The following ACTN1 variants were observed in gnomAD, a reference collection of about 807,000 sequenced individuals.
The protein encoded by ACTN1 is actinin alpha 1.
ACTN1 carries 30 observed loss-of-function variants against 119.6 expected under a neutral mutation model. That is an observed-to-expected ratio of 0.25 (90% CI 0.19 to 0.34). The LOEUF (loss-of-function observed/expected upper bound fraction) is 0.34, where lower values mean the gene tolerates loss of function less well. Among genes scored for constraint, ACTN1 ranks in the 10% least tolerant of loss-of-function variants. The pLI is 1.00. For synonymous variants in ACTN1, 429 were observed against 472.6 expected, an observed-to-expected ratio of 0.91 and a Z score of 1.20; for missense variants, 764 against 1,223.4, an observed-to-expected ratio of 0.62 and a Z score of 5.60.
Position 68,963,704 on chromosome 14 carries a change from T to TA in ACTN1, c.105+15247dup, listed in dbSNP as rs557882007. Among the ~76,000 whole-genome samples, 145 of 152,368 alleles carry TA rather than the reference T, an allele frequency of 9.5e-4. 2 individuals are homozygous for TA. The highest frequency in any genetic ancestry group is 3.3e-3 in the African/African-American group (139 of 41,590). Reference sequence around the variant, plus strand: ...TGGCAGCACCACAAAGATGAGTTTTTATTCATACTATGATATCATTTCTTC... The same window carrying TA: ...TGGCAGCACCACAAAGATGAGTTTTTAATTCATACTATGATATCATTTCTTC... On this transcript the variant is annotated intron_variant, in intron 1 of 21. Coordinates refer to ENST00000394419, the MANE Select transcript of ACTN1 (RefSeq NM_001130004.2).
chr14:68,973,861 G>A (rs2036975182), intron 1 of ACTN1: 1 of 152,264 alleles, frequency 6.6e-6, no homozygotes. Context: ...AGCAGGCTCA[G>A]CGGGTTTCCT....
intron 1 of ACTN1, among the ~76,000 whole-genome samples, chr14:68,926,879 G>A (rs2034953261): frequency 6.6e-6 from 1 of 152,098 alleles, no homozygotes; most frequent in Non-Finnish European, 1.5e-5. Context: ...CTTAGATTTA[G>A]GAGCAAAAGT....
chr14:68,910,085 G>A (rs376528552), intron 4 of ACTN1, 43 bp from the exon 5 acceptor site: 13 of 1,539,494 alleles, frequency 8.4e-6, no homozygotes, highest in East Asian at 4.5e-5. Context: ...GGGCTGACTC[G>A]GTGGAGGGAG....
At chr14:68,950,713 C>T (rs904547040) in intron 1 of ACTN1, among the ~76,000 whole-genome samples, 1 of 151,874 alleles carries the variant, frequency 6.6e-6, no homozygotes, top group Non-Finnish European at 1.5e-5. Context: ...AAGCACCCGC[C>T]ACCACGCCTG....
At chr14:68,952,025 A>G (rs554989489) in intron 1 of ACTN1, among the ~76,000 whole-genome samples, 32 of 152,230 alleles carry the variant, frequency 2.1e-4, no homozygotes, top group African/African-American at 7.2e-4. Flanking sequence ...GAAGAGCAAA[A>G]CAAACAGTAG....
At chr14:68,940,972 T>C (rs2035744359) in intron 1 of ACTN1, among the ~76,000 whole-genome samples, 1 of 152,172 alleles carries the variant, frequency 6.6e-6, no homozygotes, top group South Asian at 2.1e-4. Context: ...TCAAAGCACC[T>C]CCTTGGGCAT....
rs111604290 is a variant in ACTN1 at position 68,895,477 on chromosome 14, C to T, written c.763-1730G>A. Among the ~76,000 whole-genome samples the T allele has an allele frequency of 6.4e-3, 977 of 152,252 alleles. 10 individuals are homozygous for T. Among genetic ancestry groups the T allele is most frequent in the African/African-American group, 0.022 (906 of 41,544 alleles). On this transcript the variant is annotated intron_variant, in intron 8 of 21. Transcript: ENST00000394419. ...GAACCAGGCCAGCAGCCTCATGGGA[C>T]TGACTGGGGAGCAGCTTGCCGGAAG...
At chr14:68,899,667 A>G (rs958527799) in intron 8 of ACTN1, among the ~76,000 whole-genome samples, 1 of 152,016 alleles carries the variant, frequency 6.6e-6, no homozygotes, top group African/African-American at 2.4e-5. Context: ...CGCATCTCAC[A>G]TTCCCTTCCA....
At chr14:68,875,280 A>G (rs2030766689) in intron 21 of ACTN1, 3 of 852,936 alleles carry the variant, frequency 3.5e-6, no homozygotes, top group East Asian at 2.7e-5. Flanking sequence ...CCATGTGCCA[A>G]TTACACCTAT....
In ACTN1 at chr14:68,912,984, G is replaced by C. The variant is rs546346267; in HGVS notation, c.341-742C>G. Among the ~76,000 whole-genome samples the C allele has an allele frequency of 5.3e-5, 8 of 152,328 alleles. No homozygotes were observed. The South Asian group carries it at 1.7e-3, about 32-fold the overall frequency. On this transcript the variant is annotated intron_variant, in intron 3 of 21. Coordinates refer to ENST00000394419, the MANE Select transcript of ACTN1 (RefSeq NM_001130004.2). Reference sequence around the variant, plus strand: ...ATCAAGAGAAAGTCACAAACTTAAAGTTTTGTAAATTGCCATCTTGAACTA... The same window carrying C: ...ATCAAGAGAAAGTCACAAACTTAAACTTTTGTAAATTGCCATCTTGAACTA...
At chr14:68,946,547 G>A (rs563322449) in intron 1 of ACTN1, among the ~76,000 whole-genome samples, 2 of 152,318 alleles carry the variant, frequency 1.3e-5, no homozygotes, top group African/African-American at 4.8e-5. Flanking sequence ...GACTCCACCA[G>A]CAGCCCTGAG....
At chr14:68,950,404 T>A (rs1326759648) in intron 1 of ACTN1, among the ~76,000 whole-genome samples, 1 of 147,138 alleles carries the variant, frequency 6.8e-6, no homozygotes, top group African/African-American at 2.6e-5. Flanking sequence ...CACTTCAAAA[T>A]GGCTAAAATG....
Position 68,922,172 on chromosome 14 carries a change from G to A in ACTN1, c.221-1047C>T, listed in dbSNP as rs959100959. Reference sequence around the variant, plus strand: ...CCCCTTGTGCCTGCCCTGATATCCCGACCACACCCACTGTCTCCCCAGCAG... The same window carrying A: ...CCCCTTGTGCCTGCCCTGATATCCCAACCACACCCACTGTCTCCCCAGCAG... On this transcript the variant is annotated intron_variant, in intron 2 of 21. Coordinates refer to ENST00000394419, the MANE Select transcript of ACTN1 (RefSeq NM_001130004.2). 5.9e-5 allele frequency among the ~76,000 whole-genome samples: 9 copies of A among 152,200 alleles called. No individual in the cohort carries two copies. The South Asian group carries it at 6.2e-4, about 11-fold the overall frequency.
At chr14:68,881,040 T>C (rs761361278) in intron 16 of ACTN1, 51 bp from the exon 17 acceptor site, 5 of 1,588,408 alleles carry the variant, frequency 3.1e-6, no homozygotes, top group African/African-American at 2.7e-5. Context: ...TCTGCTCCCA[T>C]AGGGTGGGGA....
In ACTN1 at chr14:68,880,795, G is replaced by C. The variant is rs1355561212; in HGVS notation, c.2133+15C>G. On this transcript the variant is annotated intron_variant, in intron 17 of 21. Transcript: ENST00000394419. This position sits in a 1 kb window ranked among gnomAD's most constrained non-coding sequence, Gnocchi z 4.6. The stretch of plus-strand genomic sequence containing the variant: ...CCACGGGCTCCCGAAGAGGAACAAG[G>C]CCAGCCCCACCCACCTCCATGGTGT... 6.2e-7 allele frequency: 1 copy of C among 1,612,976 alleles called. No homozygotes were observed. The highest frequency in any genetic ancestry group is 1.1e-5 in the South Asian group (1 of 91,016).
chr14:68,901,972 G>A (rs2033370268), intron 8 of ACTN1, among the ~76,000 whole-genome samples: 1 of 152,256 alleles, frequency 6.6e-6, no homozygotes, highest in Non-Finnish European at 1.5e-5. Flanking sequence ...AGCCCAAGGG[G>A]CTGAGGACAG....
chr14:68,892,085 C>G lies in ACTN1; in HGVS notation c.1054G>C (p.Ala352Pro), dbSNP rs954983250. 1 of 1,613,618 alleles carries G rather than the reference C, an allele frequency of 6.2e-7. No homozygotes were observed. Among genetic ancestry groups the G allele is most frequent in the Non-Finnish European group, 8.5e-7 (1 of 1,179,912 alleles). The change falls in exon 10 of 22, where the codon GCC (alanine) becomes CCC (proline). Residue 352 changes from alanine (A) to proline (P), a missense_variant. By Grantham distance (27) the Ala-to-Pro change is conservative. Coordinates refer to ENST00000394419, the MANE Select transcript of ACTN1 (RefSeq NM_001130004.2). ...ATCCTGCCCTCAGAGGGCATGAAGG[C>G]AGGCCGGTTGCTGAGCCGCAGCTTG... ...QTKLRLSNRP[A>P]FMPSEGRMVS...
intron 1 of ACTN1, chr14:68,977,686 A>G (rs2037105944): frequency 3.3e-6 from 1 of 306,434 alleles, no homozygotes; most frequent in Non-Finnish European, 6.4e-6. Flanking sequence ...TCGGCTCTAT[A>G]AACTACCCCC....
chr14:68,918,624 G>A lies in ACTN1; in HGVS notation c.340+2382C>T, dbSNP rs575595463. Among the ~76,000 whole-genome samples, 53 of 151,604 alleles carry A rather than the reference G, an allele frequency of 3.5e-4. 1 individual carries two copies. The South Asian group carries it at 3.8e-3, about 11-fold the overall frequency. On this transcript the variant is annotated intron_variant, in intron 3 of 21. Transcript: ENST00000394419. ...AAGTTTCAGATCTTAGGCCAGGCGC[G>A]GTGGCGCACACCTGTAATCTCAACA...
Sources: gnomAD v4.1 joint callset for allele counts (sites outside exome capture counted in the v4.1 genomes callset) on GRCh38, gnomAD v4.1.1 for gene constraint, Gnocchi (gnomAD v3.1) non-coding constraint, MANE v1.5 for transcripts, NCBI Gene and HGNC (gene_info 2026-07-23, HGNC 2026-07-21) for gene names.